The following SKI variants were observed in gnomAD, a reference collection of about 807,000 sequenced individuals.
SKI encodes the protein ski oncogene.
In SKI, 23 loss-of-function variants were observed where a neutral mutation model predicts 59.3. The ratio of observed to expected loss-of-function variants is 0.39; its 90% CI spans 0.28 to 0.55. The LOEUF is 0.55. Ranked by LOEUF, SKI falls within the 20% of genes least tolerant of loss-of-function variation. The pLI is 0.67. For synonymous variants in SKI, 673 were observed against 488.6 expected (o/e 1.38, Z -4.98); for missense variants, 1,017 against 1,038.9 (o/e 0.98, Z 0.29).
At position 2,297,405 on chromosome 1, in the gene SKI, G is replaced by A. The variant is rs143930466; in HGVS notation, c.970-5573G>A. Among the ~76,000 whole-genome samples the A allele has an allele frequency of 5.9e-5, 9 of 152,350 alleles. No homozygotes were observed. The East Asian group carries it at 1.7e-3, about 29-fold the overall frequency. Reference sequence around the variant, plus strand: ...AGCAGGGCCACAGGCAGGACCTCGAGTGCCCAGCCCGCTCACCACGCTGTG... The same window carrying A: ...AGCAGGGCCACAGGCAGGACCTCGAATGCCCAGCCCGCTCACCACGCTGTG... On this transcript the variant is annotated intron_variant, in intron 1 of 6. Coordinates refer to ENST00000378536, the MANE Select transcript of SKI (RefSeq NM_003036.4).
chr1:2,305,631 G>A (rs866504934), intron 5 of SKI, among the ~76,000 whole-genome samples: 1 of 152,172 alleles, frequency 6.6e-6, no homozygotes, highest in Non-Finnish European at 1.5e-5. Context: ...ATCTGGCTGC[G>A]TGGGGAGACC....
intron 1 of SKI, among the ~76,000 whole-genome samples, chr1:2,239,393 C>T (rs1470115247): frequency 6.6e-6 from 1 of 152,136 alleles, no homozygotes; most frequent in African/African-American, 2.4e-5. Context: ...TGTGGCTCTT[C>T]GAGTCAAGCC....
At chr1:2,240,849 G>GC in intron 1 of SKI, 1 of 958,458 alleles carries the variant, frequency 1.0e-6, no homozygotes, top group Non-Finnish European at 1.2e-6. Flanking sequence ...CAGTGTGGGG[G>GC]CCGTCCACAG....
intron 1 of SKI, among the ~76,000 whole-genome samples, chr1:2,235,795 T>C (rs188113299): frequency 1.5e-4 from 23 of 152,368 alleles, no homozygotes; most frequent in Non-Finnish European, 3.1e-4. Flanking sequence ...CCAGATGGAC[T>C]GAGCACCTGC....
chr1:2,275,599 C>T lies in SKI; in HGVS notation c.970-27379C>T, dbSNP rs562627230. On this transcript the variant is annotated intron_variant, in intron 1 of 6. Transcript: ENST00000378536. ...CGCGATCTCGGCTCACTGCAAGCTC[C>T]GCTCCCGGGTTCACGCCATTCTCCT... Among the ~76,000 whole-genome samples the T allele has an allele frequency of 3.8e-4, 58 of 152,184 alleles. 1 individual carries two copies. In the East Asian group the frequency reaches 8.5e-3, roughly 22 times the overall value.
At chr1:2,249,108 TG>T in intron 1 of SKI, among the ~76,000 whole-genome samples, 1 of 152,348 alleles carries the variant, frequency 6.6e-6, no homozygotes, top group South Asian at 2.1e-4. Flanking sequence ...TGTTTCTTGG[TG>T]CTGCCTGGCA....
At chr1:2,283,815 G>T (rs1266624654) in intron 1 of SKI, among the ~76,000 whole-genome samples, 2 of 152,234 alleles carry the variant, frequency 1.3e-5, no homozygotes, top group African/African-American at 4.8e-5. Context: ...GCACCATGTT[G>T]TGTCGGTTTT....
intron 1 of SKI, among the ~76,000 whole-genome samples, chr1:2,272,161 C>G (rs1639637455): frequency 6.6e-6 from 1 of 152,256 alleles, no homozygotes; most frequent in Non-Finnish European, 1.5e-5. Flanking sequence ...GTTCTCACGA[C>G]CTCTTGCCCT....
Position 2,308,018 on chromosome 1 carries a change from C to G in SKI, c.*1253C>G, listed in dbSNP as rs575543888. 1 of 152,424 alleles carries G rather than the reference C, an allele frequency of 6.6e-6. No individual in the cohort carries two copies. Among genetic ancestry groups the G allele is most frequent in the Non-Finnish European group, 1.5e-5 (1 of 68,044 alleles). The allele number at this position is 152,424 out of a possible 1,614,324, so 9.4% of individuals were successfully genotyped here. ...AATCTGCCACTCTCAGAATAAGTTCCTTGCATTTATTCCAAATAATCTCGT... is the reference window on the plus strand; with the variant it reads ...AATCTGCCACTCTCAGAATAAGTTCGTTGCATTTATTCCAAATAATCTCGT... On this transcript the variant is annotated 3_prime_UTR_variant, in exon 7 of 7. Transcript: ENST00000378536.
At chr1:2,294,272 G>A (rs746074106) in intron 1 of SKI, among the ~76,000 whole-genome samples, 15 of 152,212 alleles carry the variant, frequency 9.9e-5, no homozygotes, top group South Asian at 6.2e-4. Flanking sequence ...GCCTGATGCC[G>A]GGCAGGGCGA....
chr1:2,266,940 T>G (rs1186397382), intron 1 of SKI, among the ~76,000 whole-genome samples: 2 of 152,152 alleles, frequency 1.3e-5, no homozygotes, highest in East Asian at 1.9e-4. Flanking sequence ...TGGCCTCTGC[T>G]TCAGGGAGGA....
At chr1:2,284,187 T>A (rs548903602) in intron 1 of SKI, among the ~76,000 whole-genome samples, 1 of 152,148 alleles carries the variant, frequency 6.6e-6, no homozygotes, top group Admixed American at 6.5e-5. Flanking sequence ...CCTGGGGGGC[T>A]CTGGCCCCAA....
intron 1 of SKI, among the ~76,000 whole-genome samples, chr1:2,279,580 AG>A (rs962553606): frequency 1.7e-4 from 23 of 131,588 alleles, no homozygotes; most frequent in Non-Finnish European, 2.0e-4. Context: ...CTGCAGGGGG[AG>A]GGGGGAGGGG....
intron 1 of SKI, among the ~76,000 whole-genome samples, chr1:2,289,173 C>T (rs1041891914): frequency 5.3e-5 from 8 of 152,202 alleles, no homozygotes; most frequent in Non-Finnish European, 1.2e-4. Flanking sequence ...ACACAGAAGG[C>T]AGAGGCTAGA....
intron 1 of SKI, among the ~76,000 whole-genome samples, chr1:2,289,190 G>T (rs1640109068): frequency 6.6e-6 from 1 of 152,192 alleles, no homozygotes; most frequent in Non-Finnish European, 1.5e-5. Flanking sequence ...TAGAGATGCA[G>T]CTCCTCTGTT....
intron 1 of SKI, among the ~76,000 whole-genome samples, chr1:2,262,580 G>GA (rs1639412317): frequency 6.6e-6 from 1 of 152,262 alleles, no homozygotes; most frequent in East Asian, 1.9e-4. Flanking sequence ...GGTGGGCGTG[G>GA]ACGCCCTTGC....
In SKI at chr1:2,267,705, G is replaced by T. The variant is rs533911277; in HGVS notation, c.970-35273G>T. ...CACTTCAGGGATGCAGCCGGCCTTT[G>T]GGCTTCAGGAAACGCAGCTGGGACA... On this transcript the variant is annotated intron_variant, in intron 1 of 6. Coordinates refer to ENST00000378536, the MANE Select transcript of SKI (RefSeq NM_003036.4). This position sits in a 1 kb window ranked among gnomAD's most constrained non-coding sequence, Gnocchi z 4.1. 6.6e-6 allele frequency among the ~76,000 whole-genome samples: 1 copy of T among 152,304 alleles called. No individual in the cohort carries two copies. Among genetic ancestry groups the T allele is most frequent in the East Asian group, 1.9e-4 (1 of 5,174 alleles).
intron 1 of SKI, among the ~76,000 whole-genome samples, chr1:2,285,058 G>A (rs1300684697): frequency 6.6e-6 from 1 of 152,164 alleles, no homozygotes; most frequent in African/African-American, 2.4e-5. Context: ...CTGGAGGCTG[G>A]GGGCAGTCGT....
In SKI at chr1:2,303,739, GTC is replaced by G. The variant is rs1640486970; in HGVS notation, c.1212-99_1212-98del. 6.8e-7 allele frequency: 1 copy of G among 1,466,146 alleles called. No individual in the cohort carries two copies. The highest frequency in any genetic ancestry group is 1.4e-5 in the African/African-American group (1 of 72,090). 90.8% of individuals were successfully genotyped at this position (1,466,146 alleles called of 1,614,324 possible). On this transcript the variant is annotated intron_variant, in intron 3 of 6. Transcript: ENST00000378536. This position sits in a 1 kb window ranked among gnomAD's most constrained non-coding sequence, Gnocchi z 5.6. ...GACTTGAAGATTCGGAGCTGGGAAA[GTC>G]TTTCCTGTTTAACACCTTCAGAGGG...
Sources: allele counts gnomAD v4.1 joint callset (sites outside exome capture counted in the v4.1 genomes callset), GRCh38; gene constraint gnomAD v4.1.1; non-coding constraint Gnocchi (gnomAD v3.1); transcripts MANE v1.5; gene names NCBI Gene and HGNC (gene_info 2026-07-23, HGNC 2026-07-21).